The following ARHGEF39 variants were observed in gnomAD, a reference collection of about 807,000 sequenced individuals.
The protein encoded by ARHGEF39 is Rho guanine nucleotide exchange factor (GEF) 39.
Under a neutral mutation model 47.5 loss-of-function variants are expected in ARHGEF39, and 45 were observed. That is an observed-to-expected ratio of 0.95 (90% CI 0.75 to 1.22). The LOEUF (loss-of-function observed/expected upper bound fraction) is 1.22. Among genes scored for constraint, ARHGEF39 ranks in the 50% most tolerant of loss-of-function variants. ARHGEF39 has a pLI of 0.00. For missense variants in ARHGEF39, 411 were observed against 425.3 expected, an observed-to-expected ratio of 0.97 and a Z score of 0.30; for synonymous variants, 164 against 167.8, an observed-to-expected ratio of 0.98 and a Z score of 0.17.
In ARHGEF39 at chr9:35,665,013, C is replaced by G; in HGVS notation, c.138+19G>C. The stretch of plus-strand genomic sequence containing the variant: ...TGGGGTCCCTGTCCTATAATGGGAG[C>G]GTGTGCCAGGTCCCCCACCGTGGCC... On this transcript the variant is annotated intron_variant, in intron 1 of 8. Transcript: ENST00000378387. 6.5e-7 allele frequency: 1 copy of G among 1,539,960 alleles called. No homozygotes were observed. Among genetic ancestry groups the G allele is most frequent in the Non-Finnish European group, 8.7e-7 (1 of 1,143,914 alleles).
Position 35,660,451 on chromosome 9 carries a change from A to G in ARHGEF39, c.*1536T>C. The G allele has an allele frequency of 6.2e-7, 1 of 1,612,984 alleles. No homozygotes were observed. The highest frequency in any genetic ancestry group is 8.5e-7 in the Non-Finnish European group (1 of 1,179,534). On this transcript the variant is annotated 3_prime_UTR_variant, in exon 9 of 9. Transcript: ENST00000378387. The stretch of plus-strand genomic sequence containing the variant: ...ACGAGGAGGCAAGCAAGCAGCAGCC[A>G]CTGCAGTCAGGTGGGTTTAGCAGAA...
Position 35,660,715 on chromosome 9 carries a change from G to A in ARHGEF39, c.*1272C>T. On this transcript the variant is annotated 3_prime_UTR_variant, in exon 9 of 9. Transcript: ENST00000378387. The stretch of plus-strand genomic sequence containing the variant: ...GCAGGAGGGAGGAATGGGGACATAG[G>A]TTGGGAGCCACTGAGTGGACATTTC... The A allele has an allele frequency of 6.2e-7, 1 of 1,613,896 alleles. No individual in the cohort carries two copies. The highest frequency in any genetic ancestry group is 1.6e-4 in the Middle Eastern group (1 of 6,062).
chr9:35,661,474 G>A lies in ARHGEF39; in HGVS notation c.*513C>T, dbSNP rs1466538453. 4 of 465,162 alleles carry A rather than the reference G, an allele frequency of 8.6e-6. No homozygotes were observed. Among genetic ancestry groups the A allele is most frequent in the African/African-American group, 4.0e-5 (2 of 49,446 alleles). The allele number at this position is 465,162 out of a possible 1,614,324, so 28.8% of individuals were successfully genotyped here. On this transcript the variant is annotated 3_prime_UTR_variant, in exon 9 of 9. Coordinates refer to ENST00000378387, the MANE Select transcript of ARHGEF39 (RefSeq NM_032818.3). ...AAAAAAAACTTTACTCAAATCCAGTGGAAAAATAAATGATAGAAACTATAC... is the reference window on the plus strand; with the variant it reads ...AAAAAAAACTTTACTCAAATCCAGTAGAAAAATAAATGATAGAAACTATAC...
At chr9:35,663,127 A>G in intron 5 of ARHGEF39, 53 bp from the exon 6 acceptor site, 3 of 1,607,064 alleles carry the variant, frequency 1.9e-6, no homozygotes, top group Non-Finnish European at 2.6e-6. Context: ...TTTGGGTGCC[A>G]TGGTTGTGAA....
Position 35,660,743 on chromosome 9 carries a change from C to A in ARHGEF39, c.*1244G>T, listed in dbSNP as rs1325656897. 1 of 1,613,888 alleles carries A rather than the reference C, an allele frequency of 6.2e-7. No homozygotes were observed. Among genetic ancestry groups the A allele is most frequent in the Admixed American group, 1.7e-5 (1 of 60,016 alleles). ...GGGAGCCACTGAGTGGACATTTCTT[C>A]AGTGTGACTACTCTGGCTGGAGCCC... On this transcript the variant is annotated 3_prime_UTR_variant, in exon 9 of 9. Coordinates refer to ENST00000378387, the MANE Select transcript of ARHGEF39 (RefSeq NM_032818.3).
At chr9:35,664,519 C>T in intron 2 of ARHGEF39, 27 bp from the exon 3 acceptor site, 1 of 1,577,166 alleles carries the variant, frequency 6.3e-7, no homozygotes, top group Non-Finnish European at 8.6e-7. Context: ...AGCAAAAGGG[C>T]AGCTCTAGAA....
chr9:35,661,758 G>A lies in ARHGEF39; in HGVS notation c.*229C>T, dbSNP rs1285718077. 4 of 514,538 alleles carry A rather than the reference G, an allele frequency of 7.8e-6. No individual in the cohort carries two copies. The Admixed American group carries it at 1.4e-4, about 18-fold the overall frequency. The allele number at this position is 514,538 out of a possible 1,614,324, so 31.9% of individuals were successfully genotyped here. A position where few individuals can be genotyped will look rare whatever the true frequency, so the allele number is the denominator to read the frequency against. On this transcript the variant is annotated 3_prime_UTR_variant, in exon 9 of 9. Transcript: ENST00000378387. The stretch of plus-strand genomic sequence containing the variant: ...TGAACTCCTGGGCTGGAATGATCCT[G>A]CCACCTCTGCTTCCCAAAGTGCTGG...
At position 35,664,089 on chromosome 9, in the gene ARHGEF39, A is replaced by G. The variant is rs751938971; in HGVS notation, c.392T>C (p.Val131Ala). 2 of 1,614,178 alleles carry G rather than the reference A, an allele frequency of 1.2e-6. No homozygotes were observed. The highest frequency in any genetic ancestry group is 2.2e-5 in the East Asian group (1 of 44,890). The part of the protein sequence containing the change: ...LKKNKGFRRF[V>A]RLQEGRPEFG... ...CTCAGGGCGGCCTTCCTGAAGCCGT[A>G]CAAACCTCCGGAAACCTTTATTTTT... is the stretch of plus-strand genomic sequence containing the variant. The change falls in exon 4 of 9, where the codon GTA becomes GCA. Residue 131 changes from valine (V) to alanine (A), a missense_variant. By Grantham distance (64) the Val-to-Ala change is moderately conservative. Transcript: ENST00000378387.
intron 1 of ARHGEF39, 29 bp downstream of exon 1, chr9:35,665,003 A>C: frequency 5.9e-6 from 9 of 1,534,724 alleles, no homozygotes; most frequent in Non-Finnish European, 7.9e-6. Flanking sequence ...TCCCTGTCCT[A>C]TAATGGGAGC....
Position 35,664,066 on chromosome 9 carries a change from C to G in ARHGEF39, c.415G>C (p.Glu139Gln), listed in dbSNP as rs771435723. 1 of 1,614,038 alleles carries G rather than the reference C, an allele frequency of 6.2e-7. No homozygotes were observed. Among genetic ancestry groups the G allele is most frequent in the African/African-American group, 1.3e-5 (1 of 74,934 alleles). The change falls in exon 4 of 9, where the codon GAG becomes CAG. Residue 139 changes from glutamate (E) to glutamine (Q), a missense_variant. Glu to Gln is a conservative substitution (Grantham distance 29). Transcript: ENST00000378387. The stretch of plus-strand genomic sequence containing the variant: ...TCCTGGAGCTGAAGGCCCCCAAACT[C>G]AGGGCGGCCTTCCTGAAGCCGTACA... ...RFVRLQEGRP[E>Q]FGGLQLQDLL...
In ARHGEF39 at chr9:35,661,948, C is replaced by T. The variant is rs2131823040; in HGVS notation, c.*39G>A. 6.2e-7 allele frequency: 1 copy of T among 1,606,914 alleles called. No individual in the cohort carries two copies. The highest frequency in any genetic ancestry group is 8.5e-7 in the Non-Finnish European group (1 of 1,175,706). Reference sequence around the variant, plus strand: ...CTTTGTACTCTTGGCTGTGACCTATCCCTGAGGTATCCTGAGTTCTGGAAT... The same window carrying T: ...CTTTGTACTCTTGGCTGTGACCTATTCCTGAGGTATCCTGAGTTCTGGAAT... On this transcript the variant is annotated 3_prime_UTR_variant, in exon 9 of 9. Coordinates refer to ENST00000378387, the MANE Select transcript of ARHGEF39 (RefSeq NM_032818.3).
In ARHGEF39 at chr9:35,663,468, C is replaced by T. The variant is rs943912673; in HGVS notation, c.474-76G>A. The T allele has an allele frequency of 7.3e-5, 92 of 1,258,018 alleles. No individual in the cohort carries two copies. In the Admixed American group the frequency reaches 1.6e-3, roughly 22 times the overall value. The allele number at this position is 1,258,018 out of a possible 1,614,324, so 77.9% of individuals were successfully genotyped here. ...CCCCCTGCCTGATGTGCAGATCACC[C>T]TCTACCCATACTTCAATTGAAGGCC... is the stretch of plus-strand genomic sequence containing the variant. On this transcript the variant is annotated intron_variant, in intron 4 of 8. Coordinates refer to ENST00000378387, the MANE Select transcript of ARHGEF39 (RefSeq NM_032818.3).
At position 35,660,635 on chromosome 9, in the gene ARHGEF39, CCCT is replaced by C; in HGVS notation, c.*1349_*1351del. ...AACAACCTGATGGCCCAGCTGGACC[CCCT>C]TTTTGAGCGGTGAGGAGAGCAATGA... On this transcript the variant is annotated 3_prime_UTR_variant, in exon 9 of 9. Coordinates refer to ENST00000378387, the MANE Select transcript of ARHGEF39 (RefSeq NM_032818.3). 1 of 1,614,162 alleles carries C rather than the reference CCCT, an allele frequency of 6.2e-7. No individual in the cohort carries two copies. Among genetic ancestry groups the C allele is most frequent in the Non-Finnish European group, 8.5e-7 (1 of 1,180,032 alleles).
In ARHGEF39 at chr9:35,664,817, G is replaced by A; in HGVS notation, c.172C>T (p.Leu58=). Residue 58 remains leucine, a synonymous_variant, in exon 2 of 9, where the codon CTG becomes TTG. Coordinates refer to ENST00000378387, the MANE Select transcript of ARHGEF39 (RefSeq NM_032818.3). ...AGGGCCTGGCGCTCAGGTGGTCGCA[G>A]GGTCCCCTTGGCTTTCAGGATCCCC... is the stretch of plus-strand genomic sequence containing the variant. ...FLGILKAKGT[L]RPPERQALFG... The A allele has an allele frequency of 6.2e-7, 1 of 1,611,470 alleles. No individual in the cohort carries two copies. The highest frequency in any genetic ancestry group is 8.5e-7 in the Non-Finnish European group (1 of 1,180,006).
chr9:35,665,138 G>A lies in ARHGEF39; in HGVS notation c.32C>T (p.Pro11Leu). Residue 11 changes from proline (P) to leucine (L), a missense_variant, in exon 1 of 9, where the codon CCG becomes CTG. Pro to Leu is a moderately conservative substitution (Grantham distance 98, BLOSUM62 -3). Transcript: ENST00000378387. MELSCPGSRC[P>L]VQEQRARWER... ...CCAGCGGGCACGCTGCTCTTGCACCGGGCACCGCGAACCGGGGCAGGAGAG... is the reference window on the plus strand; with the variant it reads ...CCAGCGGGCACGCTGCTCTTGCACCAGGCACCGCGAACCGGGGCAGGAGAG... The A allele has an allele frequency of 6.5e-7, 1 of 1,542,418 alleles. No homozygotes were observed. Among genetic ancestry groups the A allele is most frequent in the East Asian group, 2.4e-5 (1 of 40,938 alleles).
rs1823969715 is a variant in ARHGEF39 at position 35,661,895 on chromosome 9, G to A, written c.*92C>T. On this transcript the variant is annotated 3_prime_UTR_variant, in exon 9 of 9. Coordinates refer to ENST00000378387, the MANE Select transcript of ARHGEF39 (RefSeq NM_032818.3). The stretch of plus-strand genomic sequence containing the variant: ...AGTGACCTTTGTCAAATCATGAAGG[G>A]TTCTGTTTTGTTCAGTACTGAAGAT... The A allele has an allele frequency of 1.4e-6, 2 of 1,406,844 alleles. No individual in the cohort carries two copies. Among genetic ancestry groups the A allele is most frequent in the Admixed American group, 4.3e-5 (2 of 46,830 alleles). 87.1% of individuals were successfully genotyped at this position (1,406,844 alleles called of 1,614,324 possible). A position where few individuals can be genotyped will look rare whatever the true frequency, so the allele number is the denominator to read the frequency against.
chr9:35,662,709 C>T lies in ARHGEF39; in HGVS notation c.706G>A (p.Val236Met), dbSNP rs754229259. Reference sequence around the variant, plus strand: ...CGAGGCTCCCCATGGGGAGGCACCACTAACAGCCAGCCCTGGCGTAGGAAC... The same window carrying T: ...CGAGGCTCCCCATGGGGAGGCACCATTAACAGCCAGCCCTGGCGTAGGAAC... ...RWFLRQGWLLVVPPHGEPRPR... is the reference protein window; with the variant it reads ...RWFLRQGWLLMVPPHGEPRPR... The change falls in exon 7 of 9, where the codon GTG becomes ATG. Residue 236 changes from valine to methionine, a missense_variant. Transcript: ENST00000378387. The T allele has an allele frequency of 1.5e-4, 237 of 1,570,760 alleles. No individual in the cohort carries two copies. The highest frequency in any genetic ancestry group is 2.0e-4 in the Non-Finnish European group (230 of 1,158,146).
At position 35,662,680 on chromosome 9, in the gene ARHGEF39, G is replaced by C. The variant is rs1482243745; in HGVS notation, c.735C>G (p.Pro245=). The C allele has an allele frequency of 2.5e-6, 4 of 1,594,466 alleles. No homozygotes were observed. The African/African-American group carries it at 5.4e-5, about 21-fold the overall frequency. ...CATCAGTGAAGAGGAAGAACATGCGGGGCCGAGGCTCCCCATGGGGAGGCA... is the reference window on the plus strand; with the variant it reads ...CATCAGTGAAGAGGAAGAACATGCGCGGCCGAGGCTCCCCATGGGGAGGCA... ...LVVPPHGEPR[P]RMFFLFTDVL... is the part of the protein sequence containing the mutation. Residue 245 remains proline (P), a synonymous_variant, in exon 7 of 9, where the codon CCC becomes CCG. Coordinates refer to ENST00000378387, the MANE Select transcript of ARHGEF39 (RefSeq NM_032818.3).
rs746582487 is a variant in ARHGEF39 at position 35,662,569 on chromosome 9, C to T, written c.846G>A (p.Gln282=). 1.9e-6 allele frequency: 3 copies of T among 1,614,230 alleles called. No individual in the cohort carries two copies. Among genetic ancestry groups the T allele is most frequent in the Non-Finnish European group, 2.5e-6 (3 of 1,180,052 alleles). The part of the protein sequence containing the change: ...FACKALYPMA[Q]CHLSRVFGHS... ...GGCCAAAGACCCTGCTGAGATGACACTGGGCCATGGGGTAGAGGGCCTTGC... is the reference window on the plus strand; with the variant it reads ...GGCCAAAGACCCTGCTGAGATGACATTGGGCCATGGGGTAGAGGGCCTTGC... Residue 282 remains glutamine, a synonymous_variant, in exon 7 of 9, where the codon CAG becomes CAA. Coordinates refer to ENST00000378387, the MANE Select transcript of ARHGEF39 (RefSeq NM_032818.3).
Sources: gnomAD v4.1 joint callset for allele counts on GRCh38, gnomAD v4.1.1 for gene constraint, MANE v1.5 for transcripts, NCBI Gene and HGNC (gene_info 2026-07-23, HGNC 2026-07-21) for gene names.